The following FBXO27 variants were observed in gnomAD, a reference collection of about 807,000 sequenced individuals.
FBXO27 encodes F-box protein 27, also known as F-box only protein 27.
A neutral mutation model predicts 28.3 loss-of-function variants in FBXO27; 28 were observed. That is an observed-to-expected ratio of 0.99 (90% CI 0.73 to 1.36). The LOEUF is 1.36. Among genes scored for constraint, FBXO27 ranks in the 40% most tolerant of loss-of-function variants. The pLI is 0.00. For synonymous variants in FBXO27, 175 were observed against 167.3 expected, an observed-to-expected ratio of 1.05 and a Z score of -0.36; for missense variants, 388 against 394.1, an observed-to-expected ratio of 0.98 and a Z score of 0.13.
At chr19:39,011,459 T>G (rs964537232) in intron 2 of FBXO27, among the ~76,000 whole-genome samples, 2 of 152,142 alleles carry the variant, frequency 1.3e-5, no homozygotes, top group African/African-American at 4.8e-5. Context: ...TGATAGGCAT[T>G]GCAACTGAAT....
downstream of FBXO27, among the ~76,000 whole-genome samples, chr19:39,020,946 C>T (rs1043714791): frequency 3.3e-5 from 5 of 151,978 alleles, no homozygotes; most frequent in African/African-American, 1.2e-4. Flanking sequence ...CCTCCGCCTC[C>T]CGGGTTCAAG....
intron 2 of FBXO27, among the ~76,000 whole-genome samples, chr19:39,010,822 G>A (rs2072790970): frequency 6.6e-6 from 1 of 152,204 alleles, no homozygotes; most frequent in African/African-American, 2.4e-5. Flanking sequence ...GTTGTAACAG[G>A]GCTGGAGCTA....
At chr19:39,013,480 A>T (rs2072805300) in intron 2 of FBXO27, among the ~76,000 whole-genome samples, 1 of 151,682 alleles carries the variant, frequency 6.6e-6, no homozygotes, top group Non-Finnish European at 1.5e-5. Flanking sequence ...AAATACAAAA[A>T]TTAGCCAGGC....
chr19:39,027,614 G>C (rs1438100516), intron 4 of FBXO27, among the ~76,000 whole-genome samples: 1 of 152,068 alleles, frequency 6.6e-6, no homozygotes, highest in Non-Finnish European at 1.5e-5. Context: ...GTGTGTAGTA[G>C]CTTTCTGTGA....
chr19:39,007,499 G>A (rs1390417802), intron 2 of FBXO27, among the ~76,000 whole-genome samples: 1 of 152,056 alleles, frequency 6.6e-6, no homozygotes, highest in East Asian at 1.9e-4. Context: ...GCAAGACCGG[G>A]TGTTTCTTCT....
At position 39,031,942 on chromosome 19, in the gene FBXO27, C is replaced by A; in HGVS notation, c.286G>T (p.Ala96Ser). The A allele has an allele frequency of 1.3e-6, 2 of 1,515,188 alleles. No individual in the cohort carries two copies. The highest frequency in any genetic ancestry group is 2.2e-5 in the Admixed American group (1 of 44,622). 93.9% of individuals were successfully genotyped at this position (1,515,188 alleles called of 1,614,324 possible). A position where few individuals can be genotyped will look rare whatever the true frequency, so the allele number is the denominator to read the frequency against. Reference sequence around the variant, plus strand: ...AAGCGGCCCAGGGGGCAAGGCCTGGCGTTACGGGCGGGAGACTGGCAGCTG... The same window carrying A: ...AAGCGGCCCAGGGGGCAAGGCCTGGAGTTACGGGCGGGAGACTGGCAGCTG... ...ARSCQSPARN[A>S]RPCPLGRFCA... The change falls in exon 2 of 6, where the codon GCC becomes TCC. Residue 96 changes from alanine (A) to serine (S), a missense_variant. By Grantham distance (99) the Ala-to-Ser change is moderately conservative (BLOSUM62 1). Transcript: ENST00000292853.
At chr19:39,008,638 G>A (rs1364508993) in intron 2 of FBXO27, among the ~76,000 whole-genome samples, 1 of 152,046 alleles carries the variant, frequency 6.6e-6, no homozygotes, top group Non-Finnish European at 1.5e-5. Flanking sequence ...CCGTGTACCT[G>A]TGAGCAGTCA....
In FBXO27 at chr19:39,031,972, C is replaced by T. The variant is rs780938353; in HGVS notation, c.256G>A (p.Ala86Thr). ...GATGRALLHL[A>T]RSCQSPARNA... ...CGGGCGGGAGACTGGCAGCTGCGGG[C>T]GAGGTGCAGCAGCGCGCGGCCGGTG... The change falls in exon 2 of 6, where the codon GCC becomes ACC. Residue 86 changes from alanine (A) to threonine (T), a missense_variant. Coordinates refer to ENST00000292853, the MANE Select transcript of FBXO27 (RefSeq NM_178820.5). 7.2e-6 allele frequency: 11 copies of T among 1,521,844 alleles called. No homozygotes were observed. In the East Asian group the frequency reaches 2.1e-4, roughly 29 times the overall value. 94.3% of individuals were successfully genotyped at this position (1,521,844 alleles called of 1,614,324 possible). A position where few individuals can be genotyped will look rare whatever the true frequency, so the allele number is the denominator to read the frequency against.
chr19:39,025,652 C>T, intron 5 of FBXO27, 98 bp from the exon 6 acceptor site: 2 of 1,417,454 alleles, frequency 1.4e-6, no homozygotes, highest in Non-Finnish European at 1.9e-6. Context: ...CCAAGGATGG[C>T]TATAAAATCT....
At chr19:39,023,937 C>G (rs2072858171), downstream of FBXO27, 1 of 151,944 alleles carries the variant, frequency 6.6e-6, no homozygotes, top group Non-Finnish European at 1.5e-5. Flanking sequence ...TGCTTTCGTA[C>G]AGTTTTCCCT....
intron 2 of FBXO27, among the ~76,000 whole-genome samples, chr19:39,010,663 C>T (rs919942757): frequency 2.6e-5 from 4 of 152,196 alleles, no homozygotes; most frequent in African/African-American, 9.6e-5. Flanking sequence ...GGCATTGACT[C>T]GATGACCCAA....
At position 39,031,926 on chromosome 19, in the gene FBXO27, A is replaced by T. The variant is rs557177068; in HGVS notation, c.302T>A (p.Leu101Gln). 99 of 1,511,190 alleles carry T rather than the reference A, an allele frequency of 6.6e-5. 4 individuals are homozygous for T. The South Asian group carries it at 1.2e-3, about 19-fold the overall frequency. 93.6% of individuals were successfully genotyped at this position (1,511,190 alleles called of 1,614,324 possible). A position where few individuals can be genotyped will look rare whatever the true frequency, so the allele number is the denominator to read the frequency against. Residue 101 changes from leucine (L) to glutamine (Q), a missense_variant, in exon 2 of 6, where the codon CTG becomes CAG. Transcript: ENST00000292853. ...SPARNARPCP[L>Q]GRFCARRPIG... ...GGGTCTGCGCGCGCAGAAGCGGCCC[A>T]GGGGGCAAGGCCTGGCGTTACGGGC...
At chr19:39,016,983 G>A (rs1008271234) in intron 1 of FBXO27, among the ~76,000 whole-genome samples, 4 of 152,122 alleles carry the variant, frequency 2.6e-5, no homozygotes, top group Non-Finnish European at 5.9e-5. Flanking sequence ...TACTCAGGAG[G>A]CTGAAGCAGG....
Position 39,031,048 on chromosome 19 carries a change from C to A in FBXO27, c.553G>T (p.Glu185Ter), listed in dbSNP as rs748377164. The part of the protein sequence containing the change: ...WPELLDSGRI[E>*]ICVSDWWGAR... ...ACTCACCAGTCAGAGACACAAATCT[C>A]AATCCTGCCACTATCCAGCAGTTCT... Residue 185 changes from glutamate to a stop codon, truncating the protein, a stop_gained, in exon 4 of 6, where the codon GAG (glutamate) becomes TAG (stop). Coordinates refer to ENST00000292853, the MANE Select transcript of FBXO27 (RefSeq NM_178820.5). LOFTEE classifies it high-confidence loss of function. 6.2e-7 allele frequency: 1 copy of A among 1,614,096 alleles called. No homozygotes were observed. Among genetic ancestry groups the A allele is most frequent in the Non-Finnish European group, 8.5e-7 (1 of 1,179,998 alleles).
rs1391411868 is a variant in FBXO27, at chr19:39,032,189, G to A, written c.39C>T (p.Val13=). ...CTTCGGGTTCCGGCTCCGGCGCGGGGACCCGGGCGGCCCGGCCCCTGGAGA... is the reference window on the plus strand; with the variant it reads ...CTTCGGGTTCCGGCTCCGGCGCGGGAACCCGGGCGGCCCGGCCCCTGGAGA... ...ASVSRGRAAR[V]PAPEPEPEEA... The change falls in exon 2 of 6, where the codon GTC becomes GTT. Residue 13 remains valine (V), a synonymous_variant. Coordinates refer to ENST00000292853, the MANE Select transcript of FBXO27 (RefSeq NM_178820.5). This position sits in a 1 kb window ranked among gnomAD's most constrained non-coding sequence, Gnocchi z 4.7. 1.3e-6 allele frequency: 2 copies of A among 1,489,580 alleles called. No homozygotes were observed. Among genetic ancestry groups the A allele is most frequent in the Non-Finnish European group, 8.9e-7 (1 of 1,124,066 alleles). The allele number at this position is 1,489,580 out of a possible 1,614,324, so 92.3% of individuals were successfully genotyped here. A position where few individuals can be genotyped will look rare whatever the true frequency, so the allele number is the denominator to read the frequency against.
In FBXO27 at chr19:39,031,900, T is replaced by A. The variant is rs1419194841; in HGVS notation, c.328A>T (p.Ile110Phe). 2.0e-6 allele frequency: 3 copies of A among 1,500,354 alleles called. No homozygotes were observed. The highest frequency in any genetic ancestry group is 1.8e-6 in the Non-Finnish European group (2 of 1,136,754). 92.9% of individuals were successfully genotyped at this position (1,500,354 alleles called of 1,614,324 possible). Residue 110 changes from isoleucine (I) to phenylalanine (F), a missense_variant, in exon 2 of 6, where the codon ATC (isoleucine) becomes TTC (phenylalanine). Physicochemically the swap from Ile to Phe is conservative, Grantham distance 21 (BLOSUM62 0). Transcript: ENST00000292853. Reference protein sequence around the residue: ...PLGRFCARRPIGRNLIRNPCG... With the variant: ...PLGRFCARRPFGRNLIRNPCG... Reference sequence around the variant, plus strand: ...GGGTTGCGAATAAGGTTGCGTCCGATGGGTCTGCGCGCGCAGAAGCGGCCC... The same window carrying A: ...GGGTTGCGAATAAGGTTGCGTCCGAAGGGTCTGCGCGCGCAGAAGCGGCCC...
intron 2 of FBXO27, among the ~76,000 whole-genome samples, chr19:39,011,417 G>A (rs1397651258): frequency 2.0e-5 from 3 of 152,190 alleles, no homozygotes; most frequent in African/African-American, 4.8e-5. Context: ...GGGCAACAGA[G>A]CGAAACTCTC....
intron 2 of FBXO27, among the ~76,000 whole-genome samples, chr19:39,010,963 C>T (rs2072791410): frequency 1.3e-5 from 2 of 152,242 alleles, no homozygotes; most frequent in South Asian, 4.1e-4. Context: ...TTACTTATGC[C>T]AGGACCACAC....
chr19:39,030,234 A>G (rs548266254), intron 4 of FBXO27, among the ~76,000 whole-genome samples: 1 of 152,304 alleles, frequency 6.6e-6, no homozygotes, highest in East Asian at 1.9e-4. Context: ...TCAAGGTTCA[A>G]AAAAAGGTGC....
Sources: gnomAD v4.1 joint callset for allele counts (sites outside exome capture counted in the v4.1 genomes callset) on GRCh38, gnomAD v4.1.1 for gene constraint, Gnocchi (gnomAD v3.1) non-coding constraint, MANE v1.5 for transcripts, NCBI Gene and HGNC (gene_info 2026-07-23, HGNC 2026-07-21) for gene names.